The following THRB variants were observed in gnomAD, a reference collection of about 807,000 sequenced individuals.
The protein encoded by THRB is nuclear receptor subfamily 1 group A member 2.
A neutral mutation model predicts 47.8 loss-of-function variants in THRB; 12 were observed. That is an observed-to-expected ratio of 0.25 (90% CI 0.16 to 0.41). The LOEUF (loss-of-function observed/expected upper bound fraction) is 0.41, where lower values mean the gene tolerates loss of function less well. Ranked by LOEUF, THRB falls within the 10% of genes least tolerant of loss-of-function variation. The pLI is 1.00. For synonymous variants in THRB, 218 were observed against 212.2 expected (o/e 1.03, Z -0.24); for missense variants, 348 against 589.2 (o/e 0.59, Z 4.24).
At chr3:24,316,308 T>A (rs974965287) in intron 2 of THRB, among the ~76,000 whole-genome samples, 2 of 152,164 alleles carry the variant, frequency 1.3e-5, no homozygotes, top group Non-Finnish European at 2.9e-5. Flanking sequence ...GCCAGTAACA[T>A]TTCATCATAA....
chr3:24,381,044 G>A (rs992294015), intron 1 of THRB, among the ~76,000 whole-genome samples: 1 of 151,542 alleles, frequency 6.6e-6, no homozygotes, highest in African/African-American at 2.4e-5. Flanking sequence ...GAACTTGGGA[G>A]GCGGAGGTTG....
intron 1 of THRB, among the ~76,000 whole-genome samples, chr3:24,358,337 T>C (rs2063828775): frequency 6.6e-6 from 1 of 152,184 alleles, no homozygotes; most frequent in Admixed American, 6.5e-5. Context: ...TTGGGTTTTG[T>C]GTCTTGCTTA....
chr3:24,282,854 T>C (rs1450702375), intron 3 of THRB, among the ~76,000 whole-genome samples: 1 of 150,484 alleles, frequency 6.6e-6, no homozygotes, highest in African/African-American at 2.5e-5. Flanking sequence ...ATAAATTCCT[T>C]GACACATACA....
At chr3:24,473,082 T>C (rs1405917262) in intron 1 of THRB, among the ~76,000 whole-genome samples, 1 of 152,146 alleles carries the variant, frequency 6.6e-6, no homozygotes, top group African/African-American at 2.4e-5. Flanking sequence ...ATGAGTATTA[T>C]AATTAAGAAA....
At chr3:24,141,307 G>A (rs889859322) in intron 8 of THRB, among the ~76,000 whole-genome samples, 1 of 152,188 alleles carries the variant, frequency 6.6e-6, no homozygotes, top group Non-Finnish European at 1.5e-5. Context: ...ACTAGATATT[G>A]TGACCACACA....
At chr3:24,261,362 G>T (rs1382287181) in intron 3 of THRB, among the ~76,000 whole-genome samples, 1 of 151,966 alleles carries the variant, frequency 6.6e-6, no homozygotes, top group Admixed American at 6.6e-5. Flanking sequence ...AGCTGGGCGT[G>T]GTGGCACGCA....
chr3:24,204,066 A>C lies in THRB; in HGVS notation c.23-13732T>G, dbSNP rs62253679. Among the ~76,000 whole-genome samples, 879 of 152,272 alleles carry C rather than the reference A, an allele frequency of 5.8e-3. 8 individuals are homozygous for C. Among genetic ancestry groups the C allele is most frequent in the South Asian group, 0.042 (202 of 4,820 alleles). On this transcript the variant is annotated intron_variant, in intron 4 of 10. Transcript: ENST00000646209. ...CAAGGAGGCCTGCCTGCCTCTGTAG[A>C]CTCTACCTCTGGGGGCAGGGCATAG... is the stretch of plus-strand genomic sequence containing the variant.
chr3:24,339,422 G>A lies in THRB; in HGVS notation c.-260-2051C>T, dbSNP rs570781427. Among the ~76,000 whole-genome samples the A allele has an allele frequency of 5.3e-5, 8 of 152,254 alleles. No homozygotes were observed. In the South Asian group the frequency reaches 6.2e-4, roughly 12 times the overall value. On this transcript the variant is annotated intron_variant, in intron 1 of 10. Transcript: ENST00000646209. ...GAAGAAAGGAGAGGAGAAGAGTTAA[G>A]CATTTTGCCCAAAGTCAAACAGTGC...
intron 5 of THRB, among the ~76,000 whole-genome samples, chr3:24,165,940 G>A (rs1309825950): frequency 6.6e-6 from 1 of 152,182 alleles, no homozygotes; most frequent in Admixed American, 6.5e-5. Flanking sequence ...AAATCCAGTA[G>A]TAATGAGCCT....
chr3:24,455,226 A>G (rs2073055219), intron 1 of THRB: 1 of 145,928 alleles, frequency 6.9e-6, no homozygotes, highest in Non-Finnish European at 1.5e-5. Flanking sequence ...AATCACCTCC[A>G]TTACTCAGCT....
chr3:24,371,992 A>C (rs1327513022), intron 1 of THRB, among the ~76,000 whole-genome samples: 1 of 152,122 alleles, frequency 6.6e-6, no homozygotes, highest in Non-Finnish European at 1.5e-5. Context: ...CTATGCCCCC[A>C]ATAACACCGG....
At position 24,493,102 on chromosome 3, in the gene THRB, GT is replaced by G. The variant is rs149395416; in HGVS notation, c.-261+1549del. ...ACAAATCACTTGGTACTGGATTTCT[GT>G]TTGACTCAATTAAAACACTTAGCCA... On this transcript the variant is annotated intron_variant, in intron 1 of 10. Coordinates refer to ENST00000646209, the MANE Select transcript of THRB (RefSeq NM_001354712.2). 3.5e-3 allele frequency among the ~76,000 whole-genome samples: 537 copies of G among 152,290 alleles called. 14 individuals carry two copies. The East Asian group carries it at 0.077, about 22-fold the overall frequency.
At chr3:24,453,397 C>T (rs1381284029) in intron 1 of THRB, among the ~76,000 whole-genome samples, 1 of 152,172 alleles carries the variant, frequency 6.6e-6, no homozygotes, top group African/African-American at 2.4e-5. Flanking sequence ...ATAACCCAGT[C>T]ATTCTGGCTT....
chr3:24,327,028 G>T (rs1417430442), intron 2 of THRB, among the ~76,000 whole-genome samples: 1 of 152,074 alleles, frequency 6.6e-6, no homozygotes, highest in African/African-American at 2.4e-5. Context: ...TTCCCAAAGT[G>T]ATGGGATTAC....
At chr3:24,218,342 C>CT (rs869304743) in intron 4 of THRB, among the ~76,000 whole-genome samples, 124 of 117,230 alleles carry the variant, frequency 1.1e-3, no homozygotes, top group African/African-American at 1.6e-3. Flanking sequence ...CTCTCTCTCT[C>CT]TTTTTTTTTT....
chr3:24,303,293 G>A (rs1301411785), intron 2 of THRB, among the ~76,000 whole-genome samples: 1 of 152,226 alleles, frequency 6.6e-6, no homozygotes, highest in Non-Finnish European at 1.5e-5. Flanking sequence ...TAGGCTTAGT[G>A]AGGTGAGTGT....
intron 1 of THRB, among the ~76,000 whole-genome samples, chr3:24,449,918 G>A (rs931430669): frequency 6.6e-6 from 1 of 151,876 alleles, no homozygotes; most frequent in African/African-American, 2.4e-5. Flanking sequence ...TAATCATAGA[G>A]GCAGAAATGA....
At chr3:24,263,752 T>A (rs749054341) in intron 3 of THRB, among the ~76,000 whole-genome samples, 5 of 152,136 alleles carry the variant, frequency 3.3e-5, no homozygotes, top group Non-Finnish European at 7.4e-5. Context: ...GTACATAGCT[T>A]ATTTTTAGAA....
intron 1 of THRB, among the ~76,000 whole-genome samples, chr3:24,412,594 T>TCTCATATTCTCCTA (rs1342247677): frequency 2.0e-5 from 3 of 151,846 alleles, no homozygotes; most frequent in African/African-American, 7.2e-5. Flanking sequence ...AGGAAGATTT[T>TCTCATATTCTCCTA]CTCATATTCT....
Sources: gnomAD v4.1 joint callset for allele counts (sites outside exome capture counted in the v4.1 genomes callset) on GRCh38, gnomAD v4.1.1 for gene constraint, MANE v1.5 for transcripts, NCBI Gene and HGNC (gene_info 2026-07-23, HGNC 2026-07-21) for gene names.